Variants in IL16 observed in about 807,000 individuals in gnomAD.
The protein encoded by IL16 is interleukin 16, also known as pro-interleukin-16.
Under a neutral mutation model 110.1 loss-of-function variants are expected in IL16, and 67 were observed. That is an observed-to-expected ratio of 0.61 (90% CI 0.50 to 0.75). IL16 has a LOEUF of 0.75. Among genes scored for constraint, IL16 ranks in the 30% least tolerant of loss-of-function variants. The pLI is 0.00. For missense variants in IL16, 1,545 were observed against 1,655.0 expected, an observed-to-expected ratio of 0.93 and a Z score of 1.15; for synonymous variants, 689 against 662.9, an observed-to-expected ratio of 1.04 and a Z score of -0.61.
intron 1 of IL16, among the ~76,000 whole-genome samples, chr15:81,199,434 G>A (rs1258600311): frequency 1.3e-5 from 2 of 152,200 alleles, no homozygotes; most frequent in African/African-American, 2.4e-5. Context: ...CAGGAGGGAG[G>A]CGCTGTTCTT....
intron 2 of IL16, among the ~76,000 whole-genome samples, chr15:81,256,642 A>G (rs1897957740): frequency 6.6e-6 from 1 of 151,938 alleles, no homozygotes; most frequent in South Asian, 2.1e-4. Flanking sequence ...CCGCACCCAG[A>G]CTCTACATTT....
At chr15:81,261,439 A>AG in intron 3 of IL16, among the ~76,000 whole-genome samples, 1 of 152,310 alleles carries the variant, frequency 6.6e-6, no homozygotes, top group Non-Finnish European at 1.5e-5. Flanking sequence ...GAGGACTGGC[A>AG]GGGGGAAGAG....
chr15:81,274,993 C>T (rs1291608247), intron 6 of IL16, among the ~76,000 whole-genome samples: 3 of 151,882 alleles, frequency 2.0e-5, no homozygotes, highest in Non-Finnish European at 2.9e-5. Flanking sequence ...TGCACAGAGG[C>T]GGTAACCCTG....
intron 4 of IL16, among the ~76,000 whole-genome samples, chr15:81,267,080 T>G (rs1420274252): frequency 6.6e-6 from 1 of 152,172 alleles, no homozygotes; most frequent in East Asian, 1.9e-4. Flanking sequence ...AGGAGTACAC[T>G]GGAGCCCTCC....
rs934636467 is a variant in IL16, at chr15:81,203,639, C to T, written c.-102+6487C>T. Among the ~76,000 whole-genome samples, 1,406 of 151,830 alleles carry T rather than the reference C, an allele frequency of 9.3e-3. 15 individuals are homozygous for T. Among genetic ancestry groups the T allele is most frequent in the African/African-American group, 0.028 (1,158 of 41,408 alleles). ...CAAAGATCAGATAGTTGTAGATATG[C>T]GGCATTATTTCTGAGGGCTCTGTTC... On this transcript the variant is annotated intron_variant, in intron 1 of 18. Transcript: ENST00000683961.
Position 81,303,499 on chromosome 15 carries a change from T to C in IL16, c.3319-50T>C, listed in dbSNP as rs1900397325. 2 of 1,258,794 alleles carry C rather than the reference T, an allele frequency of 1.6e-6. No homozygotes were observed. Among genetic ancestry groups the C allele is most frequent in the Middle Eastern group, 1.9e-4 (1 of 5,346 alleles). The allele number at this position is 1,258,794 out of a possible 1,614,324, so 78.0% of individuals were successfully genotyped here. ...CTGATGTCAGTCCGATGTTAAATTG[T>C]TCATCCTCTTGCAGTAAAATGTTTT... is the stretch of plus-strand genomic sequence containing the variant. On this transcript the variant is annotated intron_variant, in intron 15 of 18. Transcript: ENST00000683961. The surrounding 1 kb of genome is among the most constrained non-coding windows in gnomAD (Gnocchi z 4.1).
intron 2 of IL16, among the ~76,000 whole-genome samples, chr15:81,244,712 A>C (rs1025872058): frequency 2.0e-5 from 3 of 152,108 alleles, no homozygotes; most frequent in African/African-American, 7.2e-5. Flanking sequence ...TTGAATCTGT[A>C]ATTTCATCTC....
chr15:81,305,984 A>G lies in IL16; in HGVS notation c.3497A>G (p.Asn1166Ser). 6.2e-7 allele frequency: 1 copy of G among 1,614,150 alleles called. No individual in the cohort carries two copies. The highest frequency in any genetic ancestry group is 8.5e-7 in the Non-Finnish European group (1 of 1,180,020). The change falls in exon 17 of 19, where the codon AAC becomes AGC. Residue 1166 changes from asparagine (N) to serine (S), a missense_variant. Around this residue, in one of 3 missense-constraint regions of IL16, gnomAD observed 356 missense variants for 399.3 expected, o/e 0.89. Coordinates refer to ENST00000683961, the MANE Select transcript of IL16 (RefSeq NM_172217.5). The part of the protein sequence containing the change: ...IQKGNEVLSI[N>S]GKSLKGTTHH... ...AAGGGCAATGAGGTTCTTTCCATCA[A>G]CGGCAAGTCTCTCAAGGGGACCACG...
In IL16 at chr15:81,290,454, T is replaced by G; in HGVS notation, c.1334T>G (p.Val445Gly). 6.2e-7 allele frequency: 1 copy of G among 1,611,072 alleles called. No individual in the cohort carries two copies. ...GAGGAGATGACTGATATTTTCTAGG[T>G]CTCTGAACAGCAACTCAAAGAAGCT... ...IIVSRHPDPQ[V>G]SEQQLKEAVA... The change falls in exon 11 of 19, where the codon GTC becomes GGC. Residue 445 changes from valine (V) to glycine (G), a missense_variant and splice_region_variant. This residue lies in a region of IL16 where 1,185 missense variants were observed against 1,238.8 expected (regional missense o/e 0.96). Transcript: ENST00000683961.
rs777848334 is a variant in IL16 at position 81,282,768 on chromosome 15, C to T, written c.1199+12C>T. The T allele has an allele frequency of 7.6e-5, 119 of 1,572,416 alleles. No individual in the cohort carries two copies. In the South Asian group the frequency reaches 1.1e-3, roughly 14 times the overall value. On this transcript the variant is annotated intron_variant, in intron 9 of 18. Transcript: ENST00000683961. ...GACGGACGTCTCCGGTATGTCCTCA[C>T]TTCTGTTTCTGAATATACCCCCGAC... is the stretch of plus-strand genomic sequence containing the variant.
chr15:81,225,115 G>A (rs571336672), intron 1 of IL16, among the ~76,000 whole-genome samples, 184 bp from the exon 2 acceptor site: 3 of 152,252 alleles, frequency 2.0e-5, no homozygotes, highest in South Asian at 4.1e-4. Context: ...GGTGTTAACC[G>A]CTTGGGTTAA....
intron 2 of IL16, among the ~76,000 whole-genome samples, chr15:81,227,377 G>T (rs778448127): frequency 1.3e-5 from 2 of 152,138 alleles, no homozygotes; most frequent in African/African-American, 4.8e-5. Context: ...AATCACAAAG[G>T]CTTCTCTAAA....
chr15:81,277,533 C>T (rs994607463), intron 6 of IL16, among the ~76,000 whole-genome samples: 1 of 151,730 alleles, frequency 6.6e-6, no homozygotes, highest in Admixed American at 6.6e-5. Flanking sequence ...CAGCCTTGAT[C>T]TCCCAGGTTC....
chr15:81,191,817 GA>G (rs910078289), intron 1 of IL16, among the ~76,000 whole-genome samples: 3 of 152,210 alleles, frequency 2.0e-5, no homozygotes, highest in African/African-American at 7.2e-5. Context: ...GCTTATTCAA[GA>G]AAGAGCCAGA....
chr15:81,245,943 G>A (rs1170658668), intron 2 of IL16, among the ~76,000 whole-genome samples: 3 of 151,854 alleles, frequency 2.0e-5, no homozygotes, highest in Admixed American at 2.0e-4. Flanking sequence ...TACTTACTGG[G>A]AGAAATAGGG....
At chr15:81,222,773 T>C (rs200039112) in intron 1 of IL16, among the ~76,000 whole-genome samples, 2 of 129,908 alleles carry the variant, frequency 1.5e-5, no homozygotes, top group East Asian at 2.8e-4. Flanking sequence ...CACACACACA[T>C]ACCCACACAC....
At chr15:81,264,132 A>G (rs970931523) in intron 3 of IL16, among the ~76,000 whole-genome samples, 1 of 152,166 alleles carries the variant, frequency 6.6e-6, no homozygotes, top group Non-Finnish European at 1.5e-5. Flanking sequence ...GAGGATGTCT[A>G]GCCTCTCCTC....
chr15:81,214,105 C>A (rs1007604628), intron 1 of IL16, among the ~76,000 whole-genome samples: 3 of 151,896 alleles, frequency 2.0e-5, no homozygotes, highest in African/African-American at 7.3e-5. Context: ...CCTTAAAAAT[C>A]TCTTGTAAGG....
intron 3 of IL16, among the ~76,000 whole-genome samples, chr15:81,265,104 A>C (rs1898314419): frequency 6.6e-6 from 1 of 152,092 alleles, no homozygotes; most frequent in South Asian, 2.1e-4. Context: ...TGGTTTCCAC[A>C]AAGTAGAGGA....
Sources: gnomAD v4.1 joint callset for allele counts (sites outside exome capture counted in the v4.1 genomes callset) on GRCh38, gnomAD v4.1.1 for gene constraint, gnomAD v4.1.1 regional missense constraint, Gnocchi (gnomAD v3.1) non-coding constraint, MANE v1.5 for transcripts, NCBI Gene and HGNC (gene_info 2026-07-23, HGNC 2026-07-21) for gene names.